The following INTS9 variants were observed in gnomAD, a reference collection of about 807,000 sequenced individuals.
The protein encoded by INTS9 is protein related to CPSF subunits of 74 kDa.
A neutral mutation model predicts 79.7 loss-of-function variants in INTS9; 55 were observed. The ratio of observed to expected loss-of-function variants is 0.69; its 90% confidence interval spans 0.56 to 0.86. The LOEUF (loss-of-function observed/expected upper bound fraction) is 0.86, where lower values mean the gene tolerates loss of function less well. Among genes scored for constraint, INTS9 ranks in the 40% least tolerant of loss-of-function variants. The probability of loss-of-function intolerance (pLI) is 0.00; values close to 1 mark genes in which losing one functional copy is unlikely to be tolerated. For synonymous variants in INTS9, 319 were observed against 325.2 expected (o/e 0.98, Z 0.20); for missense variants, 721 against 831.5 (o/e 0.87, Z 1.64).
intron 5 of INTS9, among the ~76,000 whole-genome samples, 165 bp downstream of exon 5, chr8:28,837,472 C>T (rs1806869555): frequency 6.6e-6 from 1 of 152,190 alleles, no homozygotes; most frequent in Non-Finnish European, 1.5e-5. Flanking sequence ...TAGGCATTTC[C>T]AATGAACATT....
At chr8:28,791,571 A>C (rs960658323) in intron 10 of INTS9, among the ~76,000 whole-genome samples, 1 of 151,988 alleles carries the variant, frequency 6.6e-6, no homozygotes, top group South Asian at 2.1e-4. Context: ...TAACCCCCCA[A>C]ATGGGGTCAC....
chr8:28,818,854 T>C (rs1805658868), intron 6 of INTS9, among the ~76,000 whole-genome samples: 1 of 151,748 alleles, frequency 6.6e-6, no homozygotes, highest in Non-Finnish European at 1.5e-5. Context: ...TATTCAGAGA[T>C]TCAACTTCTT....
At chr8:28,837,174 C>T (rs1806852551) in intron 5 of INTS9, among the ~76,000 whole-genome samples, 1 of 152,172 alleles carries the variant, frequency 6.6e-6, no homozygotes, top group South Asian at 2.1e-4. Flanking sequence ...GACAACTTAA[C>T]CATCTATTTA....
chr8:28,770,522 T>C (rs945849534), intron 15 of INTS9, among the ~76,000 whole-genome samples: 2 of 152,182 alleles, frequency 1.3e-5, no homozygotes, highest in Non-Finnish European at 1.5e-5. Context: ...CAGGGTCTAA[T>C]AGACTTTAAG....
intron 16 of INTS9, 159 bp from the exon 17 acceptor site, chr8:28,768,481 T>C (rs946527046): frequency 1.9e-5 from 13 of 678,740 alleles, no homozygotes; most frequent in Admixed American, 1.0e-4. Context: ...TAGTTTCTTA[T>C]ACTTGAAAAG....
intron 1 of INTS9, among the ~76,000 whole-genome samples, chr8:28,883,418 A>G (rs946377302): frequency 1.3e-5 from 2 of 152,268 alleles, no homozygotes; most frequent in African/African-American, 4.8e-5. Context: ...ATGTGAGGAT[A>G]GATCAAAGAA....
chr8:28,849,113 G>GA (rs1807688047), intron 3 of INTS9, among the ~76,000 whole-genome samples: 1 of 152,180 alleles, frequency 6.6e-6, no homozygotes, highest in South Asian at 2.1e-4. Context: ...TATTACAAGA[G>GA]AAAATGCCTT....
At chr8:28,881,198 C>T (rs1809759992) in intron 1 of INTS9, among the ~76,000 whole-genome samples, 2 of 148,798 alleles carry the variant, frequency 1.3e-5, no homozygotes, top group Non-Finnish European at 3.0e-5. Context: ...GCCGCCCCTA[C>T]TGGGAAGTGA....
At chr8:28,768,426 G>T (rs573529119) in intron 16 of INTS9, 104 bp from the exon 17 acceptor site, 4 of 1,031,242 alleles carry the variant, frequency 3.9e-6, no homozygotes, top group Non-Finnish European at 6.0e-6. Context: ...AAACTGACAC[G>T]TCTCAACACA....
chr8:28,836,658 T>C (rs566149122), intron 5 of INTS9, among the ~76,000 whole-genome samples: 2 of 152,292 alleles, frequency 1.3e-5, no homozygotes, highest in South Asian at 4.2e-4. Context: ...TAGGAACAGT[T>C]TGGTGTGCTG....
intron 7 of INTS9, among the ~76,000 whole-genome samples, chr8:28,812,823 C>A (rs546711201): frequency 6.6e-6 from 1 of 152,152 alleles, no homozygotes; most frequent in African/African-American, 2.4e-5. Flanking sequence ...TGCGCTCCAG[C>A]CTGAGTAACA....
chr8:28,782,864 T>A (rs1158639111), intron 11 of INTS9, among the ~76,000 whole-genome samples: 5 of 151,714 alleles, frequency 3.3e-5, no homozygotes, highest in Non-Finnish European at 1.5e-5. Context: ...ACCCTGTCAC[T>A]AAAAAAAACA....
chr8:28,769,583 G>A (rs950570579), intron 16 of INTS9: 7 of 234,406 alleles, frequency 3.0e-5, no homozygotes, highest in Middle Eastern at 1.4e-3. Context: ...TGGCAGGGCC[G>A]GGTCCCTCTT....
At chr8:28,829,700 C>A (rs1806357688) in intron 6 of INTS9, among the ~76,000 whole-genome samples, 1 of 152,144 alleles carries the variant, frequency 6.6e-6, no homozygotes, top group Admixed American at 6.5e-5. Context: ...GGGCTCAAGC[C>A]TCAAATCGAA....
At chr8:28,801,407 T>C (rs1441468995) in intron 8 of INTS9, among the ~76,000 whole-genome samples, 2 of 152,024 alleles carry the variant, frequency 1.3e-5, no homozygotes, top group Non-Finnish European at 2.9e-5. Context: ...GGAGGAACTC[T>C]TAAGCCCAGG....
chr8:28,830,836 G>C (rs899071290), intron 6 of INTS9, among the ~76,000 whole-genome samples: 1 of 152,174 alleles, frequency 6.6e-6, no homozygotes, highest in Admixed American at 6.5e-5. Context: ...CATTGGCCAG[G>C]ATGAGAATCA....
At chr8:28,781,071 G>T in intron 11 of INTS9, 77 bp from the exon 12 acceptor site, 1 of 1,164,332 alleles carries the variant, frequency 8.6e-7, no homozygotes, top group Non-Finnish European at 1.2e-6. Context: ...GGGAGGGTGA[G>T]CGGGACTGGA....
chr8:28,788,942 T>C (rs1041784120), intron 10 of INTS9, among the ~76,000 whole-genome samples: 13 of 152,228 alleles, frequency 8.5e-5, no homozygotes, highest in African/African-American at 3.1e-4. Flanking sequence ...TTTAAAAAAA[T>C]AGTCACTACT....
chr8:28,804,228 A>G (rs1170233170), intron 8 of INTS9, among the ~76,000 whole-genome samples: 1 of 152,060 alleles, frequency 6.6e-6, no homozygotes, highest in African/African-American at 2.4e-5. Context: ...GCTCTGCCAC[A>G]CTCCCAGAAT....
Sources: allele counts gnomAD v4.1 joint callset (sites outside exome capture counted in the v4.1 genomes callset), GRCh38; gene constraint gnomAD v4.1.1; transcripts MANE v1.5; gene names NCBI Gene and HGNC (gene_info 2026-07-23, HGNC 2026-07-21).